The following ATP6V1G1 variants were observed in gnomAD, a reference collection of about 807,000 sequenced individuals.
The protein encoded by ATP6V1G1 is V-type proton ATPase subunit G 1.
Under a neutral mutation model 14.2 loss-of-function variants are expected in ATP6V1G1, and 14 were observed. That is an observed-to-expected ratio of 0.99 (90% CI 0.65 to 1.55). ATP6V1G1 has a LOEUF of 1.55. Among genes scored for constraint, ATP6V1G1 ranks in the 40% most tolerant of loss-of-function variants. The pLI, the probability that ATP6V1G1 is intolerant of heterozygous loss-of-function variation, is 0.00. For missense variants in ATP6V1G1, 137 were observed against 146.4 expected (o/e 0.94, Z 0.33); for synonymous variants, 65 against 53.3 (o/e 1.22, Z -0.96).
chr9:114,590,104 A>G (rs1486403476), intron 1 of ATP6V1G1, among the ~76,000 whole-genome samples: 1 of 151,000 alleles, frequency 6.6e-6, no homozygotes, highest in Non-Finnish European at 1.5e-5. Context: ...AGGCTGAGAC[A>G]GGAGAAACGC....
intron 1 of ATP6V1G1, 184 bp downstream of exon 1, chr9:114,588,104 C>A: frequency 1.5e-6 from 1 of 651,438 alleles, no homozygotes; most frequent in Non-Finnish European, 2.6e-6. Context: ...CGCCTGGAAG[C>A]CACGATGTGA....
chr9:114,597,371 C>G (rs992207968), intron 2 of ATP6V1G1, among the ~76,000 whole-genome samples, 199 bp from the exon 3 acceptor site: 31 of 152,318 alleles, frequency 2.0e-4, no homozygotes, highest in African/African-American at 7.0e-4. Context: ...GTGTAGTTTA[C>G]TTTTGGTAGA....
intron 2 of ATP6V1G1, among the ~76,000 whole-genome samples, chr9:114,593,219 C>T (rs1845201994): frequency 2.0e-5 from 3 of 152,122 alleles, no homozygotes; most frequent in African/African-American, 7.2e-5. Flanking sequence ...AAGGGCCTCA[C>T]AGAGAAAAGA....
intron 2 of ATP6V1G1, among the ~76,000 whole-genome samples, chr9:114,593,012 T>C (rs1442227812): frequency 2.6e-5 from 4 of 152,178 alleles, no homozygotes; most frequent in African/African-American, 9.7e-5. Context: ...GTGCAAATCA[T>C]GCAGAGCTAC....
chr9:114,591,378 C>T (rs1394616280), intron 1 of ATP6V1G1, among the ~76,000 whole-genome samples: 2 of 152,102 alleles, frequency 1.3e-5, no homozygotes, highest in East Asian at 1.9e-4. Flanking sequence ...AATGTTCAGG[C>T]CATGAGTGTT....
At chr9:114,591,073 C>A (rs755220992) in intron 1 of ATP6V1G1, among the ~76,000 whole-genome samples, 1 of 152,138 alleles carries the variant, frequency 6.6e-6, no homozygotes, top group Non-Finnish European at 1.5e-5. Flanking sequence ...GGATTACAGG[C>A]GTGAGCCAGC....
In ATP6V1G1 at chr9:114,597,813, C is replaced by A; in HGVS notation, c.*70C>A. 7.6e-7 allele frequency: 1 copy of A among 1,319,850 alleles called. No homozygotes were observed. Among genetic ancestry groups the A allele is most frequent in the South Asian group, 2.2e-5 (1 of 45,554 alleles). 81.8% of individuals were successfully genotyped at this position (1,319,850 alleles called of 1,614,324 possible). A position where few individuals can be genotyped will look rare whatever the true frequency, so the allele number is the denominator to read the frequency against. On this transcript the variant is annotated 3_prime_UTR_variant, in exon 3 of 3. Coordinates refer to ENST00000374050, the MANE Select transcript of ATP6V1G1 (RefSeq NM_004888.4). Reference sequence around the variant, plus strand: ...CACGAATATGAAGCTTAGCACAGCTCTAGTTACATTCTTATGATATGGCAT... The same window carrying A: ...CACGAATATGAAGCTTAGCACAGCTATAGTTACATTCTTATGATATGGCAT...
intron 1 of ATP6V1G1, among the ~76,000 whole-genome samples, chr9:114,591,479 A>G (rs1264896762): frequency 6.6e-6 from 1 of 152,244 alleles, no homozygotes; most frequent in African/African-American, 2.4e-5. Context: ...GGATTGGGGT[A>G]CAGGTGGCCG....
At chr9:114,592,467 C>T in intron 1 of ATP6V1G1, 85 bp from the exon 2 acceptor site, 1 of 1,295,924 alleles carries the variant, frequency 7.7e-7, no homozygotes, top group Non-Finnish European at 1.1e-6. Flanking sequence ...TTATTCTTGG[C>T]TTATTGTTAT....
intron 1 of ATP6V1G1, among the ~76,000 whole-genome samples, 184 bp from the exon 2 acceptor site, chr9:114,592,368 G>A (rs1320213402): frequency 6.6e-6 from 1 of 152,144 alleles, no homozygotes; most frequent in African/African-American, 2.4e-5. Flanking sequence ...TCCTAGTTAA[G>A]TACAGCCTAT....
At chr9:114,592,087 A>G (rs900323469) in intron 1 of ATP6V1G1, among the ~76,000 whole-genome samples, 1 of 152,108 alleles carries the variant, frequency 6.6e-6, no homozygotes, top group Non-Finnish European at 1.5e-5. Context: ...GTTACATTAT[A>G]TAGTTGGTTC....
At chr9:114,589,113 T>C (rs999338346) in intron 1 of ATP6V1G1, among the ~76,000 whole-genome samples, 3 of 152,196 alleles carry the variant, frequency 2.0e-5, no homozygotes. Context: ...CAGACCTCAA[T>C]TTAGGAAACA....
At chr9:114,589,007 C>T (rs1362281420) in intron 1 of ATP6V1G1, among the ~76,000 whole-genome samples, 2 of 152,176 alleles carry the variant, frequency 1.3e-5, no homozygotes, top group African/African-American at 4.8e-5. Flanking sequence ...AGCATGATGT[C>T]TTTCACCTGC....
At chr9:114,589,074 C>T (rs182402344) in intron 1 of ATP6V1G1, among the ~76,000 whole-genome samples, 4 of 152,280 alleles carry the variant, frequency 2.6e-5, no homozygotes, top group African/African-American at 9.6e-5. Context: ...ATTCTCCTCC[C>T]CTTTGTTCTC....
intron 1 of ATP6V1G1, among the ~76,000 whole-genome samples, chr9:114,590,440 CAT>C (rs143697892): frequency 0.018 from 2,725 of 151,718 alleles, 87 homozygotes; most frequent in African/African-American, 0.061. Flanking sequence ...AATACAAAAA[CAT>C]ATAAATTAAT....
In ATP6V1G1 at chr9:114,597,635, C is replaced by T. The variant is rs112425042; in HGVS notation, c.249C>T (p.Ile83=). The T allele has an allele frequency of 1.9e-6, 3 of 1,587,658 alleles. No homozygotes were observed. The highest frequency in any genetic ancestry group is 1.7e-6 in the Non-Finnish European group (2 of 1,168,754). Residue 83 remains isoleucine (I), a synonymous_variant, in exon 3 of 3, where the codon ATC becomes ATT. Transcript: ENST00000374050. ...VEKETQEKMT[I]LQTYFRQNRD... is the part of the protein sequence containing the mutation. ...AGGAGACCCAGGAGAAGATGACCAT[C>T]CTCCAGACATACTTCCGGCAGAACA...
chr9:114,592,746 T>G (rs1845195645), intron 2 of ATP6V1G1, 94 bp downstream of exon 2: 15 of 1,326,110 alleles, frequency 1.1e-5, no homozygotes, highest in Non-Finnish European at 1.6e-5. Flanking sequence ...GAGATCCTGG[T>G]CGAAGTTTGA....
chr9:114,597,034 A>G (rs559019022), intron 2 of ATP6V1G1, among the ~76,000 whole-genome samples: 53 of 122,856 alleles, frequency 4.3e-4, no homozygotes, highest in African/African-American at 1.7e-3. Context: ...TCTGTCGCCC[A>G]GGCTGGAGTG....
At chr9:114,596,605 A>G (rs1035896008) in intron 2 of ATP6V1G1, among the ~76,000 whole-genome samples, 6 of 152,108 alleles carry the variant, frequency 3.9e-5, no homozygotes, top group Non-Finnish European at 8.8e-5. Context: ...CTCCTTGTAT[A>G]TTCCTCCTAA....
Sources: gnomAD v4.1 joint callset for allele counts (sites outside exome capture counted in the v4.1 genomes callset) on GRCh38, gnomAD v4.1.1 for gene constraint, MANE v1.5 for transcripts, NCBI Gene and HGNC (gene_info 2026-07-23, HGNC 2026-07-21) for gene names.